LCN8: variants seen among roughly 807,000 people sequenced by gnomAD.
LCN8 encodes the protein lipocalin 8, also known as epididymal-specific lipocalin-8.
LCN8 carries 16 observed loss-of-function variants against 22.8 expected under a neutral mutation model. That is an observed-to-expected ratio of 0.70 (90% CI 0.47 to 1.06). The LOEUF (loss-of-function observed/expected upper bound fraction) is 1.06. Among genes scored for constraint, LCN8 ranks in the 50% least tolerant of loss-of-function variants. LCN8 has a pLI of 0.00. For missense variants in LCN8, 189 were observed against 203.3 expected (o/e 0.93, Z 0.43); for synonymous variants, 92 against 83.4 (o/e 1.10, Z -0.56).
chr9:136,754,917 G>A (rs916436104), intron 6 of LCN8: 2 of 1,375,280 alleles, frequency 1.5e-6, no homozygotes, highest in African/African-American at 2.9e-5. Context: ...TGGCAGCCTA[G>A]GGTCACCACC....
chr9:136,758,101 T>C lies in LCN8; in HGVS notation c.-171A>G, dbSNP rs1321781807. On this transcript the variant is annotated 5_prime_UTR_variant, in exon 1 of 7. Transcript: ENST00000371688. ...CACCCGGGAATGTCATCAGGACAGC[T>C]TGGCTGCTGGCAGCTCAGAGACGTG... 21 of 1,467,062 alleles carry C rather than the reference T, an allele frequency of 1.4e-5. No homozygotes were observed. The highest frequency in any genetic ancestry group is 1.9e-5 in the Non-Finnish European group (21 of 1,108,112). The allele number at this position is 1,467,062 out of a possible 1,614,324, so 90.9% of individuals were successfully genotyped here. A position where few individuals can be genotyped will look rare whatever the true frequency, so the allele number is the denominator to read the frequency against.
At position 136,758,009 on chromosome 9, in the gene LCN8, C is replaced by T. The variant is rs886229679; in HGVS notation, c.-79G>A. On this transcript the variant is annotated 5_prime_UTR_variant, in exon 1 of 7. Transcript: ENST00000371688. ...GCAGCCTGGCCTCCGTGGCGGGGTC[C>T]GGGCTCCGGGTTCCCCTGCTGCACA... is the stretch of plus-strand genomic sequence containing the variant. 5.7e-6 allele frequency: 9 copies of T among 1,579,882 alleles called. No homozygotes were observed. The highest frequency in any genetic ancestry group is 2.2e-4 in the Middle Eastern group (1 of 4,572).
chr9:136,758,539 G>A, upstream of LCN8: 1 of 988,918 alleles, frequency 1.0e-6, no homozygotes, highest in Non-Finnish European at 1.2e-6. Flanking sequence ...TGCTGCACCA[G>A]GCATCACCAC....
In LCN8 at chr9:136,754,450, A is replaced by G; in HGVS notation, c.*48T>C. On this transcript the variant is annotated 3_prime_UTR_variant, in exon 7 of 7. Coordinates refer to ENST00000371688, the MANE Select transcript of LCN8 (RefSeq NM_178469.4). ...GGTGGGCAGGGTGCCCAGGAGGGGC[A>G]GGGGTGGGCGGGCGCTCCGAACCTT... 3 of 813,298 alleles carry G rather than the reference A, an allele frequency of 3.7e-6. No homozygotes were observed. The highest frequency in any genetic ancestry group is 2.3e-5 in the Admixed American group (1 of 43,218). The allele number at this position is 813,298 out of a possible 1,614,324, so 50.4% of individuals were successfully genotyped here.
intron 3 of LCN8, chr9:136,756,238 A>G (rs1588308088): frequency 7.7e-7 from 1 of 1,300,246 alleles, no homozygotes; most frequent in East Asian, 3.8e-5. Context: ...GGAACAGTGC[A>G]GGGAACGCAT....
rs1195982963 is a variant in LCN8 at position 136,758,090 on chromosome 9, A to T, written c.-160T>A. 11 of 1,479,986 alleles carry T rather than the reference A, an allele frequency of 7.4e-6. 1 individual carries two copies. Among genetic ancestry groups the T allele is most frequent in the African/African-American group, 1.4e-5 (1 of 71,606 alleles). The allele number at this position is 1,479,986 out of a possible 1,614,324, so 91.7% of individuals were successfully genotyped here. A position where few individuals can be genotyped will look rare whatever the true frequency, so the allele number is the denominator to read the frequency against. On this transcript the variant is annotated 5_prime_UTR_variant, in exon 1 of 7. It removes an upstream start codon present in the reference 5' UTR. Coordinates refer to ENST00000371688, the MANE Select transcript of LCN8 (RefSeq NM_178469.4). ...GCTTGTGCGCCCACCCGGGAATGTC[A>T]TCAGGACAGCTTGGCTGCTGGCAGC...
chr9:136,758,326 C>CT (rs1847257421), upstream of LCN8: 1 of 1,114,592 alleles, frequency 9.0e-7, no homozygotes, highest in Non-Finnish European at 1.1e-6. Flanking sequence ...CCACATGACA[C>CT]TTGTTTTTTT....
rs2037971338 is a variant in LCN8, at chr9:136,755,526, C to T, written c.227-10G>A. ...TGGATCTCTCTGTGGCCTTCAAGAG[C>T]CGGCCATGGCGTTGGGGGAGACGTC... On this transcript the variant is annotated splice_polypyrimidine_tract_variant and intron_variant, in intron 3 of 6. Transcript: ENST00000371688. The T allele has an allele frequency of 6.2e-7, 1 of 1,609,078 alleles. No individual in the cohort carries two copies. The highest frequency in any genetic ancestry group is 8.5e-7 in the Non-Finnish European group (1 of 1,178,418).
rs1200405863 is a variant in LCN8 at position 136,758,206 on chromosome 9, C to T, written c.-276G>A. On this transcript the variant is annotated 5_prime_UTR_variant, in exon 1 of 7. Coordinates refer to ENST00000371688, the MANE Select transcript of LCN8 (RefSeq NM_178469.4). ...TAGCCTGGCCTAGACAGCAGCCTGC[C>T]CAGCCACCCTCCTGGCATATGGACA... 1.4e-6 allele frequency: 2 copies of T among 1,381,374 alleles called. No individual in the cohort carries two copies. The highest frequency in any genetic ancestry group is 6.0e-5 in the Admixed American group (2 of 33,586). 85.6% of individuals were successfully genotyped at this position (1,381,374 alleles called of 1,614,324 possible).
intron 6 of LCN8, 145 bp downstream of exon 6, chr9:136,754,990 G>A: frequency 7.0e-7 from 1 of 1,422,568 alleles, no homozygotes; most frequent in Non-Finnish European, 9.2e-7. Flanking sequence ...CCCACCAGTG[G>A]TGTTTGGTGT....
chr9:136,754,929 T>C lies in LCN8; in HGVS notation c.447+206A>G. The C allele has an allele frequency of 1.4e-5, 20 of 1,387,636 alleles. No individual in the cohort carries two copies. In the South Asian group the frequency reaches 2.9e-4, roughly 20 times the overall value. 86.0% of individuals were successfully genotyped at this position (1,387,636 alleles called of 1,614,324 possible). A position where few individuals can be genotyped will look rare whatever the true frequency, so the allele number is the denominator to read the frequency against. On this transcript the variant is annotated intron_variant, in intron 6 of 6. Transcript: ENST00000371688. ...GCCTGGCAGCCTAGGGTCACCACCC[T>C]GGAGGTTCCAGCTCTTTCCAAACCA...
chr9:136,755,155 A>T lies in LCN8; in HGVS notation c.427T>A (p.Cys143Ser). Residue 143 changes from cysteine to serine, a missense_variant, in exon 6 of 7, where the codon TGT (cysteine) becomes AGT (serine). Cys to Ser is a moderately radical substitution (Grantham distance 112). Coordinates refer to ENST00000371688, the MANE Select transcript of LCN8 (RefSeq NM_178469.4). ...GLYLAARPGR[C>S]AELLKEELI ...CTCACCTCCTTCAGGAGCTCGGCACACCGCCCTGCAGGATAGGCCAGCATG... is the reference window on the plus strand; with the variant it reads ...CTCACCTCCTTCAGGAGCTCGGCACTCCGCCCTGCAGGATAGGCCAGCATG... The T allele has an allele frequency of 6.3e-7, 1 of 1,593,582 alleles. No homozygotes were observed. Among genetic ancestry groups the T allele is most frequent in the Non-Finnish European group, 8.6e-7 (1 of 1,169,072 alleles).
chr9:136,754,965 T>TC, intron 6 of LCN8, 170 bp downstream of exon 6: 1 of 1,399,836 alleles, frequency 7.1e-7, no homozygotes, highest in Non-Finnish European at 9.3e-7. Context: ...GGAGACAGAC[T>TC]CATCTCTGGA....
intron 1 of LCN8, chr9:136,757,619 T>A (rs1177971205): frequency 2.1e-6 from 3 of 1,409,970 alleles, no homozygotes; most frequent in Non-Finnish European, 2.8e-6. Context: ...CCTCCTGCCC[T>A]CAGCAACCCG....
At chr9:136,757,837 G>T in intron 1 of LCN8, 70 bp downstream of exon 1, 1 of 1,612,682 alleles carries the variant, frequency 6.2e-7, no homozygotes, top group African/African-American at 1.3e-5. Flanking sequence ...CACCGGGAGA[G>T]GCCTCCTTCC....
At chr9:136,757,501 G>C (rs1847236495) in intron 1 of LCN8, 1 of 1,354,962 alleles carries the variant, frequency 7.4e-7, no homozygotes, top group East Asian at 3.0e-5. Context: ...CCCAGGAGCA[G>C]AGGCCTGGAA....
In LCN8 at chr9:136,757,107, G is replaced by T; in HGVS notation, c.86C>A (p.Pro29Gln). ...ASDQSLVLTAPKRVEGLFLTL... is the reference protein window; with the variant it reads ...ASDQSLVLTAQKRVEGLFLTL... ...GAGGAACAAGCCCTCCACCCGCTTC[G>T]GGGCCGTCAGCACCAGGCTTTGATC... is the stretch of plus-strand genomic sequence containing the variant. Residue 29 changes from proline to glutamine, a missense_variant, in exon 2 of 7, where the codon CCG (proline) becomes CAG (glutamine). Physicochemically the swap from Pro to Gln is moderately conservative, Grantham distance 76 (BLOSUM62 -1). Transcript: ENST00000371688. The T allele has an allele frequency of 6.2e-7, 1 of 1,613,468 alleles. No homozygotes were observed. Among genetic ancestry groups the T allele is most frequent in the South Asian group, 1.1e-5 (1 of 90,940 alleles).
Position 136,758,243 on chromosome 9 carries a change from T to G in LCN8, c.-313A>C. ...CTGGCATATGGACAGCGGTGGACGC[T>G]GCTGGGGCCGTCTCGGAGCCTGAGA... On this transcript the variant is annotated 5_prime_UTR_variant, in exon 1 of 7. Coordinates refer to ENST00000371688, the MANE Select transcript of LCN8 (RefSeq NM_178469.4). The G allele has an allele frequency of 7.8e-7, 1 of 1,276,248 alleles. No individual in the cohort carries two copies. The highest frequency in any genetic ancestry group is 9.9e-7 in the Non-Finnish European group (1 of 1,005,926). The allele number at this position is 1,276,248 out of a possible 1,614,324, so 79.1% of individuals were successfully genotyped here. A position where few individuals can be genotyped will look rare whatever the true frequency, so the allele number is the denominator to read the frequency against.
chr9:136,756,144 G>A, intron 3 of LCN8: 1 of 919,398 alleles, frequency 1.1e-6, no homozygotes, highest in Non-Finnish European at 1.4e-6. Flanking sequence ...AACAGCATGT[G>A]GAACAGCGCA....
Sources: gnomAD v4.1 joint callset for allele counts on GRCh38, gnomAD v4.1.1 for gene constraint, MANE v1.5 for transcripts, NCBI Gene and HGNC (gene_info 2026-07-23, HGNC 2026-07-21) for gene names.